The following FBRSL1 variants were observed in gnomAD, a reference collection of about 807,000 sequenced individuals.
FBRSL1 encodes the protein fibrosin like 1.
FBRSL1 carries 51 observed loss-of-function variants against 89.6 expected under a neutral mutation model. That is an observed-to-expected ratio of 0.57 (90% CI 0.45 to 0.72). The LOEUF (loss-of-function observed/expected upper bound fraction) is 0.72. Among genes scored for constraint, FBRSL1 ranks in the 30% least tolerant of loss-of-function variants. FBRSL1 has a pLI of 0.00. For missense variants in FBRSL1, 1,618 were observed against 1,451.8 expected, an observed-to-expected ratio of 1.11 and a Z score of -1.86; for synonymous variants, 779 against 681.1, an observed-to-expected ratio of 1.14 and a Z score of -2.24.
chr12:132,510,000 A>C lies in FBRSL1; in HGVS notation c.489+1650A>C, dbSNP rs1434190168. ...CCCCCGGCGGTCGCTGCTGCGCCCC[A>C]GGCAGCCCCAGCGGTTAGTGGAAGC... On this transcript the variant is annotated intron_variant, in intron 2 of 18. Transcript: ENST00000680143. The C allele has an allele frequency of 4.4e-5, 54 of 1,231,126 alleles. 1 individual carries two copies. The highest frequency in any genetic ancestry group is 5.3e-5 in the Non-Finnish European group (52 of 987,824). The allele number at this position is 1,231,126 out of a possible 1,614,324, so 76.3% of individuals were successfully genotyped here. A position where few individuals can be genotyped will look rare whatever the true frequency, so the allele number is the denominator to read the frequency against.
intron 15 of FBRSL1, among the ~76,000 whole-genome samples, chr12:132,579,328 A>C (rs767263232): frequency 1.8e-4 from 27 of 152,146 alleles, no homozygotes; most frequent in Non-Finnish European, 3.8e-4. Flanking sequence ...CTCCGGTATC[A>C]TTTTCCTATC....
At chr12:132,532,699 G>A (rs897749399) in intron 4 of FBRSL1, among the ~76,000 whole-genome samples, 3 of 152,028 alleles carry the variant, frequency 2.0e-5, no homozygotes, top group Admixed American at 6.5e-5. Context: ...GTCCCAGGCG[G>A]GGTGTTAAGC....
chr12:132,525,780 A>G lies in FBRSL1; in HGVS notation c.536A>G (p.Asp179Gly), dbSNP rs1275873920. 2 of 1,549,898 alleles carry G rather than the reference A, an allele frequency of 1.3e-6. No individual in the cohort carries two copies. The highest frequency in any genetic ancestry group is 1.7e-6 in the Non-Finnish European group (2 of 1,146,332). ...GGGGGCGACCGGGACAGTGACGACG[A>G]CAGCGTCCTCGAAGCCACCAGCTCC... is the stretch of plus-strand genomic sequence containing the variant. ...SKGGDRDSDD[D>G]SVLEATSSRD... Residue 179 changes from aspartate (D) to glycine (G), a missense_variant, in exon 3 of 19, where the codon GAC (aspartate) becomes GGC (glycine). By Grantham distance (94) the Asp-to-Gly change is moderately conservative. Transcript: ENST00000680143.
At position 132,576,089 on chromosome 12, in the gene FBRSL1, T is replaced by C. The variant is rs76627538; in HGVS notation, c.1702-710T>C. ...GAGGGGCACATGTTGTAGTTTCATA[T>C]AATTTTTAACACATTTAACTTTGAA... On this transcript the variant is annotated intron_variant, in intron 14 of 18. Transcript: ENST00000680143. 2.4e-3 allele frequency among the ~76,000 whole-genome samples: 369 copies of C among 152,374 alleles called. 4 individuals carry two copies. The highest frequency in any genetic ancestry group is 4.7e-3 in the Non-Finnish European group (317 of 68,038).
intron 5 of FBRSL1, among the ~76,000 whole-genome samples, chr12:132,559,202 G>T (rs944784412): frequency 6.6e-6 from 1 of 152,226 alleles, no homozygotes; most frequent in African/African-American, 2.4e-5. Flanking sequence ...GGGGTTCAGG[G>T]CGGTGGTCTT....
chr12:132,581,807 T>G lies in FBRSL1; in HGVS notation c.1979T>G (p.Leu660Arg). Residue 660 changes from leucine (L) to arginine (R), a missense_variant, in exon 17 of 19, where the codon CTG (leucine) becomes CGG (arginine). Physicochemically the swap from Leu to Arg is moderately radical, Grantham distance 102. Coordinates refer to ENST00000680143, the MANE Select transcript of FBRSL1 (RefSeq NM_001367871.1). ...CTGAGCAGCCACGCCTTTGGGGGCC[T>G]GGGCAGCCATGCACTGGGTGAGTGA... The part of the protein sequence containing the change: ...GSLSSHAFGG[L>R]GSHALAPGGS... The G allele has an allele frequency of 1.3e-6, 2 of 1,548,022 alleles. No homozygotes were observed. The highest frequency in any genetic ancestry group is 8.7e-7 in the Non-Finnish European group (1 of 1,145,704).
In FBRSL1 at chr12:132,576,890, A is replaced by G. The variant is rs2040415580; in HGVS notation, c.1793A>G (p.His598Arg). 3.2e-6 allele frequency: 5 copies of G among 1,550,850 alleles called. No homozygotes were observed. Among genetic ancestry groups the G allele is most frequent in the Non-Finnish European group, 4.4e-6 (5 of 1,146,888 alleles). ...PPAPGVFAGF[H>R]YPQDLARPLF... ...GCCCCGGGCGTGTTTGCAGGCTTCC[A>G]CTACCCACAGGACCTGGCCCGGCCC... is the stretch of plus-strand genomic sequence containing the variant. Residue 598 changes from histidine (H) to arginine (R), a missense_variant, in exon 15 of 19, where the codon CAC becomes CGC. His to Arg is a conservative substitution (Grantham distance 29, BLOSUM62 0). Transcript: ENST00000680143.
intron 3 of FBRSL1, among the ~76,000 whole-genome samples, 167 bp from the exon 4 acceptor site, chr12:132,527,786 G>A (rs1244078733): frequency 6.8e-6 from 1 of 146,354 alleles, no homozygotes; most frequent in Non-Finnish European, 1.5e-5. Flanking sequence ...GGGGCTGCCG[G>A]GCAGGGTTGA....
intron 2 of FBRSL1, among the ~76,000 whole-genome samples, chr12:132,524,225 C>G (rs752695561): frequency 4.6e-5 from 7 of 152,232 alleles, no homozygotes; most frequent in Non-Finnish European, 8.8e-5. Context: ...TACTGTGCAG[C>G]TGAGCAGGTC....
At chr12:132,493,771 C>T (rs1448992252) in intron 1 of FBRSL1, among the ~76,000 whole-genome samples, 1 of 152,236 alleles carries the variant, frequency 6.6e-6, no homozygotes, top group Non-Finnish European at 1.5e-5. Flanking sequence ...CCCCCAGCAT[C>T]TGCACATTTA....
rs554892913 is a variant in FBRSL1, at chr12:132,569,909, C to G, written c.692-17C>G. 351 of 1,377,884 alleles carry G rather than the reference C, an allele frequency of 2.5e-4. 1 individual carries two copies. The African/African-American group carries it at 4.8e-3, about 19-fold the overall frequency. The allele number at this position is 1,377,884 out of a possible 1,614,324, so 85.4% of individuals were successfully genotyped here. A position where few individuals can be genotyped will look rare whatever the true frequency, so the allele number is the denominator to read the frequency against. On this transcript the variant is annotated splice_polypyrimidine_tract_variant and intron_variant, in intron 6 of 18. Coordinates refer to ENST00000680143, the MANE Select transcript of FBRSL1 (RefSeq NM_001367871.1). ...CGAGGCCCTGCTGGTCTGAACGCAG[C>G]CACCCTCTCTCTGCAGGCCCAGCGC...
In FBRSL1 at chr12:132,581,804, G is replaced by T. The variant is rs1452457103; in HGVS notation, c.1976G>T (p.Gly659Val). 10 of 1,548,468 alleles carry T rather than the reference G, an allele frequency of 6.5e-6. No homozygotes were observed. The highest frequency in any genetic ancestry group is 7.0e-6 in the Non-Finnish European group (8 of 1,145,976). Reference sequence around the variant, plus strand: ...AGCCTGAGCAGCCACGCCTTTGGGGGCCTGGGCAGCCATGCACTGGGTGAG... The same window carrying T: ...AGCCTGAGCAGCCACGCCTTTGGGGTCCTGGGCAGCCATGCACTGGGTGAG... The part of the protein sequence containing the change: ...LGSLSSHAFG[G>V]LGSHALAPGG... The change falls in exon 17 of 19, where the codon GGC (glycine) becomes GTC (valine). Residue 659 changes from glycine (G) to valine (V), a missense_variant. Gly to Val is a moderately radical substitution (Grantham distance 109, BLOSUM62 -3). Coordinates refer to ENST00000680143, the MANE Select transcript of FBRSL1 (RefSeq NM_001367871.1).
intron 17 of FBRSL1, 36 bp downstream of exon 17, chr12:132,581,860 C>T (rs1163905452): frequency 1.3e-6 from 2 of 1,487,552 alleles, no homozygotes; most frequent in East Asian, 2.5e-5. Flanking sequence ...TCCCCCGATG[C>T]CCGCGCCCCT....
intron 2 of FBRSL1, among the ~76,000 whole-genome samples, chr12:132,521,811 G>T (rs1050402519): frequency 2.0e-5 from 3 of 152,230 alleles, no homozygotes; most frequent in Non-Finnish European, 4.4e-5. Flanking sequence ...CCCCGGGAGG[G>T]CACCTTCTGC....
intron 3 of FBRSL1, among the ~76,000 whole-genome samples, chr12:132,527,465 C>T (rs1053156887): frequency 7.2e-5 from 11 of 152,230 alleles, no homozygotes; most frequent in Admixed American, 3.9e-4. Flanking sequence ...GACCCCACCA[C>T]GACGCCTAAC....
In FBRSL1 at chr12:132,571,032, C is replaced by G. The variant is rs56753974; in HGVS notation, c.1214-36C>G. 3.0e-4 allele frequency: 386 copies of G among 1,282,924 alleles called. No homozygotes were observed. In the African/African-American group the frequency reaches 5.3e-3, roughly 18 times the overall value. The allele number at this position is 1,282,924 out of a possible 1,614,324, so 79.5% of individuals were successfully genotyped here. ...CTGCGGGTGGCTGGACCCTGGCTCC[C>G]GGGGAGGGGCTCACCGTGTTCTCTC... is the stretch of plus-strand genomic sequence containing the variant. On this transcript the variant is annotated intron_variant, in intron 8 of 18. Transcript: ENST00000680143.
chr12:132,490,684 C>T lies in FBRSL1; in HGVS notation c.114C>T (p.Pro38=), dbSNP rs1464425907. The T allele has an allele frequency of 1.0e-6, 1 of 1,000,634 alleles. No homozygotes were observed. The highest frequency in any genetic ancestry group is 1.8e-5 in the African/African-American group (1 of 57,034). The allele number at this position is 1,000,634 out of a possible 1,614,324, so 62.0% of individuals were successfully genotyped here. The stretch of plus-strand genomic sequence containing the variant: ...AGAGTCCGTCGTCGGGCGACGAGCC[C>T]GAGCCCAGCCCCGGCAAGGAGAACG... The part of the protein sequence containing the change: ...RAQSPSSGDE[P]EPSPGKENAG... Residue 38 remains proline (P), a synonymous_variant, in exon 1 of 19, where the codon CCC becomes CCT. Transcript: ENST00000680143.
At position 132,583,258 on chromosome 12, in the gene FBRSL1, G is replaced by A. The variant is rs1451030645; in HGVS notation, c.2489G>A (p.Gly830Asp). 6 of 1,334,798 alleles carry A rather than the reference G, an allele frequency of 4.5e-6. No individual in the cohort carries two copies. Among genetic ancestry groups the A allele is most frequent in the South Asian group, 1.7e-5 (1 of 60,292 alleles). 82.7% of individuals were successfully genotyped at this position (1,334,798 alleles called of 1,614,324 possible). A position where few individuals can be genotyped will look rare whatever the true frequency, so the allele number is the denominator to read the frequency against. Residue 830 changes from glycine (G) to aspartate (D), a missense_variant, in exon 19 of 19, where the codon GGC (glycine) becomes GAC (aspartate). Physicochemically the swap from Gly to Asp is moderately conservative, Grantham distance 94 (BLOSUM62 -1). Transcript: ENST00000680143. The stretch of plus-strand genomic sequence containing the variant: ...GAGGCCTCCGAGCCCCCGGCGGGCG[G>A]CCTGCACCCCGCGCCCCTGCAGCTC... ...EDEASEPPAG[G>D]LHPAPLQLGL...
At chr12:132,525,599 G>T in intron 2 of FBRSL1, 135 bp from the exon 3 acceptor site, 1 of 676,918 alleles carries the variant, frequency 1.5e-6, no homozygotes, top group Non-Finnish European at 2.6e-6. Context: ...ATCCCAAAGC[G>T]CCCAGCGGCT....
Sources: allele counts gnomAD v4.1 joint callset (sites outside exome capture counted in the v4.1 genomes callset), GRCh38; gene constraint gnomAD v4.1.1; transcripts MANE v1.5; gene names NCBI Gene and HGNC (gene_info 2026-07-23, HGNC 2026-07-21).